Variants in STAU2 observed in about 807,000 individuals in gnomAD.
The protein encoded by STAU2 is double-stranded RNA-binding protein Staufen homolog 2.
In STAU2, 20 loss-of-function variants were observed where a neutral mutation model predicts 65.9. The observed-to-expected ratio is 0.30, with a 90% confidence interval of 0.21 to 0.44. STAU2 has a LOEUF of 0.44. Among genes scored for constraint, STAU2 ranks in the 20% least tolerant of loss-of-function variants. The pLI, the probability that STAU2 is intolerant of heterozygous loss-of-function variation, is 1.00. For missense variants in STAU2, 558 were observed against 683.9 expected (o/e 0.82, Z 2.05); for synonymous variants, 232 against 233.9 (o/e 0.99, Z 0.07).
intron 11 of STAU2, among the ~76,000 whole-genome samples, chr8:73,584,854 T>C (rs1055321771): frequency 5.3e-5 from 8 of 152,196 alleles, no homozygotes; most frequent in African/African-American, 1.9e-4. Context: ...GAAAGAAATT[T>C]AAAAGATTTT....
At chr8:73,552,573 G>C (rs188188726) in intron 12 of STAU2, among the ~76,000 whole-genome samples, 1 of 152,146 alleles carries the variant, frequency 6.6e-6, no homozygotes, top group Non-Finnish European at 1.5e-5. Flanking sequence ...ATGTGTAGTA[G>C]TGAAGCTATA....
At chr8:73,726,792 C>T (rs919860967) in intron 3 of STAU2, among the ~76,000 whole-genome samples, 7 of 152,272 alleles carry the variant, frequency 4.6e-5, no homozygotes, top group African/African-American at 1.7e-4. Context: ...TCTTTGTCTG[C>T]TAAACCATCT....
intron 12 of STAU2, among the ~76,000 whole-genome samples, chr8:73,561,939 G>A (rs752019016): frequency 2.0e-4 from 31 of 152,230 alleles, no homozygotes; most frequent in Non-Finnish European, 4.0e-4. Flanking sequence ...CAGCCAGTAA[G>A]TGGCAGGTGT....
At chr8:73,696,968 G>C (rs1326063916) in intron 4 of STAU2, among the ~76,000 whole-genome samples, 1 of 152,060 alleles carries the variant, frequency 6.6e-6, no homozygotes, top group Admixed American at 6.6e-5. Context: ...TATAAAGAAA[G>C]GATCCTAAAA....
Position 73,739,858 on chromosome 8 carries a change from G to T in STAU2, c.-186C>A. The T allele has an allele frequency of 1.7e-6, 2 of 1,154,790 alleles. No homozygotes were observed. The highest frequency in any genetic ancestry group is 2.5e-6 in the Non-Finnish European group (2 of 801,152). 71.5% of individuals were successfully genotyped at this position (1,154,790 alleles called of 1,614,324 possible). On this transcript the variant is annotated 5_prime_UTR_variant, in exon 2 of 15. It introduces an in-frame stop codon into an upstream open reading frame of the 5' UTR. Coordinates refer to ENST00000524300, the MANE Select transcript of STAU2 (RefSeq NM_001164380.2). ...TAAAAAGTAAGCTAAAGTCCTTGTGGTAGGCAGCCTCTAACAAATAGAATA... is the reference window on the plus strand; with the variant it reads ...TAAAAAGTAAGCTAAAGTCCTTGTGTTAGGCAGCCTCTAACAAATAGAATA...
intron 10 of STAU2, among the ~76,000 whole-genome samples, chr8:73,596,029 T>C (rs1237156601): frequency 6.6e-6 from 1 of 151,860 alleles, no homozygotes; most frequent in African/African-American, 2.4e-5. Flanking sequence ...AGAGAATCGC[T>C]TGAACCCAGT....
intron 13 of STAU2, among the ~76,000 whole-genome samples, chr8:73,451,629 G>T (rs1818806191): frequency 6.6e-6 from 1 of 151,754 alleles, no homozygotes; most frequent in Non-Finnish European, 1.5e-5. Flanking sequence ...GACCAACTCA[G>T]CGATGCTTCC....
intron 2 of STAU2, among the ~76,000 whole-genome samples, chr8:73,738,609 G>A (rs924265889): frequency 6.6e-6 from 1 of 152,158 alleles, no homozygotes; most frequent in Non-Finnish European, 1.5e-5. Context: ...ATGTTCACTT[G>A]AATAACTACG....
rs1001415537 is a variant in STAU2, at chr8:73,550,640, T to C, written c.1530+1372A>G. 5 of 980,396 alleles carry C rather than the reference T, an allele frequency of 5.1e-6. No individual in the cohort carries two copies. The African/African-American group carries it at 5.2e-5, about 10-fold the overall frequency. The allele number at this position is 980,396 out of a possible 1,614,324, so 60.7% of individuals were successfully genotyped here. On this transcript the variant is annotated intron_variant, in intron 13 of 14. Coordinates refer to ENST00000524300, the MANE Select transcript of STAU2 (RefSeq NM_001164380.2). The stretch of plus-strand genomic sequence containing the variant: ...GCTTTTTTCCAGTACTTTATATAAA[T>C]TGAGATCTTTTTTAAACAGTGATTT...
chr8:73,707,768 G>C (rs1820616033), intron 4 of STAU2, among the ~76,000 whole-genome samples: 1 of 151,868 alleles, frequency 6.6e-6, no homozygotes, highest in South Asian at 2.1e-4. Context: ...CAAAACTAAT[G>C]ACCAACATAT....
At chr8:73,509,782 T>C (rs1182024928) in intron 13 of STAU2, among the ~76,000 whole-genome samples, 1 of 152,110 alleles carries the variant, frequency 6.6e-6, no homozygotes, top group South Asian at 2.1e-4. Flanking sequence ...GGAATTATAG[T>C]AAAGAACAGT....
intron 3 of STAU2, among the ~76,000 whole-genome samples, chr8:73,732,377 G>A (rs1383775355): frequency 2.6e-5 from 4 of 152,146 alleles, no homozygotes; most frequent in African/African-American, 9.7e-5. Flanking sequence ...CATTCTATTG[G>A]TTCCACAGAT....
chr8:73,680,757 T>A (rs558416405), intron 5 of STAU2, among the ~76,000 whole-genome samples: 2 of 151,342 alleles, frequency 1.3e-5, no homozygotes, highest in African/African-American at 4.8e-5. Flanking sequence ...AGAAATAGAA[T>A]CATAAATAAA....
intron 13 of STAU2, among the ~76,000 whole-genome samples, chr8:73,532,651 TGA>T (rs1805895338): frequency 1.3e-5 from 2 of 152,180 alleles, no homozygotes; most frequent in African/African-American, 2.4e-5. Context: ...ATTTTAAAAA[TGA>T]GAGTCTGGCA....
intron 13 of STAU2, among the ~76,000 whole-genome samples, chr8:73,475,733 T>G (rs1281973438): frequency 6.6e-6 from 1 of 152,206 alleles, no homozygotes; most frequent in East Asian, 1.9e-4. Flanking sequence ...ACTCCCTCAT[T>G]TTGTGGGTCA....
chr8:73,539,660 T>C (rs755980152), intron 13 of STAU2, among the ~76,000 whole-genome samples: 6 of 152,106 alleles, frequency 3.9e-5, no homozygotes, highest in Non-Finnish European at 8.8e-5. Flanking sequence ...CTGACCAATA[T>C]GGTGAAACCC....
At chr8:73,683,511 AG>A (rs1341861233) in intron 5 of STAU2, among the ~76,000 whole-genome samples, 2 of 152,206 alleles carry the variant, frequency 1.3e-5, no homozygotes, top group Non-Finnish European at 2.9e-5. Flanking sequence ...TATACTGAAC[AG>A]GGAACAAGTT....
chr8:73,562,923 C>T (rs1221122500), intron 12 of STAU2, among the ~76,000 whole-genome samples: 1 of 151,900 alleles, frequency 6.6e-6, no homozygotes, highest in Non-Finnish European at 1.5e-5. Flanking sequence ...CCAGCCTGGG[C>T]AACACAGCAA....
In STAU2 at chr8:73,500,815, A is replaced by G. The variant is rs1327357972; in HGVS notation, c.1530+51197T>C. 3.3e-5 allele frequency among the ~76,000 whole-genome samples: 5 copies of G among 151,944 alleles called. No individual in the cohort carries two copies. In the East Asian group the frequency reaches 9.7e-4, roughly 29 times the overall value. Reference sequence around the variant, plus strand: ...GAATATTAAAGTGATTACACAAATAATAAGTAATGATATTTTTCCCTTAAA... The same window carrying G: ...GAATATTAAAGTGATTACACAAATAGTAAGTAATGATATTTTTCCCTTAAA... On this transcript the variant is annotated intron_variant, in intron 13 of 14. Coordinates refer to ENST00000524300, the MANE Select transcript of STAU2 (RefSeq NM_001164380.2).
Sources: gnomAD v4.1 joint callset for allele counts (sites outside exome capture counted in the v4.1 genomes callset) on GRCh38, gnomAD v4.1.1 for gene constraint, MANE v1.5 for transcripts, NCBI Gene and HGNC (gene_info 2026-07-23, HGNC 2026-07-21) for gene names.